The following PCOLCE2 variants were observed in gnomAD, a reference collection of about 807,000 sequenced individuals.
PCOLCE2 encodes procollagen C-proteinase enhancer 2.
PCOLCE2 carries 42 observed loss-of-function variants against 47.0 expected under a neutral mutation model. The observed-to-expected ratio is 0.89, with a 90% confidence interval of 0.70 to 1.16. PCOLCE2 has a LOEUF of 1.16. PCOLCE2 is among the 50% of genes most tolerant of loss of function. PCOLCE2 has a pLI of 0.00. For synonymous variants in PCOLCE2, 169 were observed against 191.7 expected (o/e 0.88, Z 0.98); for missense variants, 500 against 526.1 (o/e 0.95, Z 0.49).
At position 142,838,939 on chromosome 3, in the gene PCOLCE2, T is replaced by C. The variant is rs775597084; in HGVS notation, c.574-33A>G. 15 of 1,538,924 alleles carry C rather than the reference T, an allele frequency of 9.7e-6. No individual in the cohort carries two copies. The East Asian group carries it at 3.2e-4, about 32-fold the overall frequency. ...GAAAGCACAATAGAAGTGTCAAATATTAATAGCATTGTTGAATAACCTCAA... is the reference window on the plus strand; with the variant it reads ...GAAAGCACAATAGAAGTGTCAAATACTAATAGCATTGTTGAATAACCTCAA... On this transcript the variant is annotated intron_variant, in intron 4 of 8. Transcript: ENST00000295992.
chr3:142,818,871 T>C (rs575299484), intron 8 of PCOLCE2, among the ~76,000 whole-genome samples: 9 of 152,382 alleles, frequency 5.9e-5, no homozygotes, highest in Admixed American at 1.3e-4. Context: ...TCTGCAGTGC[T>C]GTAGGTCTGT....
At chr3:142,862,019 C>T in intron 2 of PCOLCE2, among the ~76,000 whole-genome samples, 1 of 152,148 alleles carries the variant, frequency 6.6e-6, no homozygotes, top group East Asian at 1.9e-4. Context: ...TGTAATTACC[C>T]TGTTTTCAGT....
chr3:142,818,899 G>C (rs1001392102), intron 8 of PCOLCE2, among the ~76,000 whole-genome samples: 2 of 152,238 alleles, frequency 1.3e-5, no homozygotes, highest in Admixed American at 6.5e-5. Flanking sequence ...TCAAATGCCT[G>C]CTATGAAGAA....
At chr3:142,859,557 C>T (rs1933139276) in intron 2 of PCOLCE2, among the ~76,000 whole-genome samples, 1 of 151,230 alleles carries the variant, frequency 6.6e-6, no homozygotes, top group South Asian at 2.1e-4. Context: ...TTTTTCTTTT[C>T]TTTCTTGTTT....
intron 2 of PCOLCE2, among the ~76,000 whole-genome samples, chr3:142,855,761 C>T (rs570353959): frequency 6.6e-6 from 1 of 152,244 alleles, no homozygotes; most frequent in African/African-American, 2.4e-5. Context: ...TCTCTTTTTG[C>T]TCTAAGGAGG....
chr3:142,862,593 A>C (rs1933200002), intron 2 of PCOLCE2, among the ~76,000 whole-genome samples: 1 of 152,222 alleles, frequency 6.6e-6, no homozygotes, highest in Non-Finnish European at 1.5e-5. Context: ...GAAGCCACTG[A>C]GGTGATCTTT....
At chr3:142,829,614 T>C in intron 6 of PCOLCE2, 78 bp downstream of exon 6, 1 of 1,094,332 alleles carries the variant, frequency 9.1e-7, no homozygotes, top group Non-Finnish European at 1.3e-6. Flanking sequence ...TATCTTCCTC[T>C]TATTTTTTTT....
intron 6 of PCOLCE2, chr3:142,827,312 T>C: frequency 7.4e-7 from 1 of 1,356,416 alleles, no homozygotes; most frequent in Non-Finnish European, 1.1e-6. Context: ...ATATTTGTGG[T>C]AGGCTTGGCA....
intron 2 of PCOLCE2, among the ~76,000 whole-genome samples, chr3:142,854,475 C>CT (rs1933027617): frequency 1.3e-5 from 2 of 152,156 alleles, no homozygotes; most frequent in African/African-American, 4.8e-5. Context: ...CTTACAAGAT[C>CT]TTATTCATCT....
chr3:142,837,654 G>T (rs1460026320), intron 5 of PCOLCE2, among the ~76,000 whole-genome samples: 1 of 152,162 alleles, frequency 6.6e-6, no homozygotes, highest in Non-Finnish European at 1.5e-5. Context: ...TACTAATATT[G>T]TAAGTGAAGT....
At chr3:142,860,838 T>C (rs1933168480) in intron 2 of PCOLCE2, among the ~76,000 whole-genome samples, 1 of 152,208 alleles carries the variant, frequency 6.6e-6, no homozygotes, top group South Asian at 2.1e-4. Flanking sequence ...GGAGCTCTCC[T>C]TCCTCCTGCC....
At chr3:142,854,203 C>T (rs1478367288) in intron 2 of PCOLCE2, among the ~76,000 whole-genome samples, 3 of 88,164 alleles carry the variant, frequency 3.4e-5, no homozygotes, top group Non-Finnish European at 7.9e-5. Context: ...ACTGTTTTTG[C>T]AGCACGTGAT....
intron 5 of PCOLCE2, among the ~76,000 whole-genome samples, chr3:142,835,361 C>T (rs1361470389): frequency 6.6e-6 from 1 of 152,114 alleles, no homozygotes; most frequent in Non-Finnish European, 1.5e-5. Flanking sequence ...ATGCTTTCTG[C>T]CTAAAATTGA....
At chr3:142,843,311 T>G (rs574380692) in intron 3 of PCOLCE2, 1 of 520,406 alleles carries the variant, frequency 1.9e-6, no homozygotes, top group Non-Finnish European at 3.7e-6. Flanking sequence ...TTTTTTTTCC[T>G]TAGACAAGGA....
intron 2 of PCOLCE2, among the ~76,000 whole-genome samples, chr3:142,852,883 T>C (rs1406104565): frequency 2.6e-5 from 4 of 151,588 alleles, no homozygotes; most frequent in East Asian, 1.9e-4. Flanking sequence ...GGCAGGAGGA[T>C]TGCTTGAGTC....
At position 142,821,035 on chromosome 3, in the gene PCOLCE2, G is replaced by A. The variant is rs374311846; in HGVS notation, c.960C>T (p.Gly320=). The A allele has an allele frequency of 3.1e-6, 5 of 1,608,144 alleles. No homozygotes were observed. The African/African-American group carries it at 6.7e-5, about 21-fold the overall frequency. Residue 320 remains glycine (G), a synonymous_variant, in exon 8 of 9, where the codon GGC becomes GGT. Coordinates refer to ENST00000295992, the MANE Select transcript of PCOLCE2 (RefSeq NM_013363.4). ...CGCGAGTGATGGTTGTGATAACAGT[G>A]CCGGCTAATACTGCAGAAGAAAACA... The part of the protein sequence containing the change: ...NYCSSDFVLA[G]TVITTITRDG...
intron 2 of PCOLCE2, among the ~76,000 whole-genome samples, chr3:142,881,764 T>G (rs1414020607): frequency 6.6e-6 from 1 of 152,198 alleles, no homozygotes; most frequent in Admixed American, 6.5e-5. Context: ...GAAATATTGT[T>G]ACGGGATATG....
intron 5 of PCOLCE2, among the ~76,000 whole-genome samples, chr3:142,835,533 C>G (rs1937193677): frequency 6.6e-6 from 1 of 151,886 alleles, no homozygotes; most frequent in Non-Finnish European, 1.5e-5. Context: ...TAGTATAACA[C>G]TTTTCTATTA....
At chr3:142,883,198 CAAAAAA>C (rs750569279) in intron 2 of PCOLCE2, among the ~76,000 whole-genome samples, 3 of 71,898 alleles carry the variant, frequency 4.2e-5, no homozygotes, top group East Asian at 8.7e-4. Flanking sequence ...GACTCCGTCT[CAAAAAA>C]AAAAAAAAAA....
Sources: allele counts gnomAD v4.1 joint callset (sites outside exome capture counted in the v4.1 genomes callset), GRCh38; gene constraint gnomAD v4.1.1; transcripts MANE v1.5; gene names NCBI Gene and HGNC (gene_info 2026-07-23, HGNC 2026-07-21).